Variants in GRB10 observed in about 807,000 individuals in gnomAD.
The protein encoded by GRB10 is growth factor receptor-bound protein 10.
In GRB10, 20 loss-of-function variants were observed where a neutral mutation model predicts 80.9. The observed-to-expected ratio is 0.25, with a 90% CI of 0.17 to 0.36. The LOEUF is 0.36. Among genes scored for constraint, GRB10 ranks in the 10% least tolerant of loss-of-function variants. The probability of loss-of-function intolerance (pLI) is 1.00; values close to 1 mark genes in which losing one functional copy is unlikely to be tolerated. For missense variants in GRB10, 548 were observed against 747.7 expected (o/e 0.73, Z 3.12); for synonymous variants, 291 against 291.5 (o/e 1.00, Z 0.02).
At chr7:50,764,053 G>A (rs1006593938) in intron 2 of GRB10, among the ~76,000 whole-genome samples, 4 of 152,234 alleles carry the variant, frequency 2.6e-5, no homozygotes, top group Non-Finnish European at 5.9e-5. Flanking sequence ...CCTCCTCCAG[G>A]TTCTCAGACT....
intron 2 of GRB10, among the ~76,000 whole-genome samples, chr7:50,757,693 T>C (rs1192958592): frequency 6.6e-6 from 1 of 152,198 alleles, no homozygotes; most frequent in Non-Finnish European, 1.5e-5. Context: ...AAAGGGTGCA[T>C]GGGCAAACAA....
At chr7:50,641,898 C>T (rs370281546) in intron 7 of GRB10, among the ~76,000 whole-genome samples, 4 of 152,184 alleles carry the variant, frequency 2.6e-5, no homozygotes, top group Admixed American at 6.5e-5. Context: ...GCCGAGGAGG[C>T]AAGGGCGTGG....
chr7:50,770,955 G>T (rs1188066488), intron 2 of GRB10, among the ~76,000 whole-genome samples: 1 of 152,064 alleles, frequency 6.6e-6, no homozygotes, highest in East Asian at 1.9e-4. Flanking sequence ...ACAGTGTCAA[G>T]GCGCCCTAGG....
intron 2 of GRB10, among the ~76,000 whole-genome samples, chr7:50,778,633 A>G: frequency 6.6e-6 from 1 of 152,134 alleles, no homozygotes; most frequent in East Asian, 1.9e-4. Context: ...GGACAACCCA[A>G]CCCTACCTCC....
intron 7 of GRB10, among the ~76,000 whole-genome samples, chr7:50,637,041 A>G (rs1056665787): frequency 5.3e-5 from 8 of 152,112 alleles, no homozygotes; most frequent in Admixed American, 2.0e-4. Flanking sequence ...CAGTGGCGTG[A>G]TCTCAGCTCA....
intron 2 of GRB10, among the ~76,000 whole-genome samples, chr7:50,758,263 A>T (rs1225769967): frequency 3.3e-5 from 5 of 152,142 alleles, no homozygotes; most frequent in Non-Finnish European, 7.3e-5. Context: ...CACACTTCAC[A>T]CGCTGACCCG....
At chr7:50,757,856 C>T (rs2075284795) in intron 2 of GRB10, among the ~76,000 whole-genome samples, 1 of 152,128 alleles carries the variant, frequency 6.6e-6, no homozygotes, top group African/African-American at 2.4e-5. Flanking sequence ...ATTCAAATGC[C>T]CAGGACCACT....
chr7:50,667,661 G>A (rs1332763590), intron 7 of GRB10, among the ~76,000 whole-genome samples: 2 of 149,224 alleles, frequency 1.3e-5, no homozygotes, highest in African/African-American at 2.5e-5. Flanking sequence ...CAAGCAAGTC[G>A]GGAAAAAAAA....
At chr7:50,720,610 T>A (rs538714879) in intron 4 of GRB10, among the ~76,000 whole-genome samples, 2 of 152,122 alleles carry the variant, frequency 1.3e-5, no homozygotes, top group Non-Finnish European at 2.9e-5. Flanking sequence ...TCATCCCAAC[T>A]AAACATGCAT....
At chr7:50,642,370 C>T (rs1051713981) in intron 7 of GRB10, among the ~76,000 whole-genome samples, 48 of 151,864 alleles carry the variant, frequency 3.2e-4, no homozygotes, top group Admixed American at 1.0e-3. Flanking sequence ...ACATATATGC[C>T]GTATACACCT....
intron 4 of GRB10, among the ~76,000 whole-genome samples, chr7:50,717,123 CAA>C (rs1193906362): frequency 6.6e-6 from 1 of 152,208 alleles, no homozygotes; most frequent in African/African-American, 2.4e-5. Flanking sequence ...ATGAGGTATA[CAA>C]AGTCCTGTCA....
chr7:50,603,860 G>T, intron 17 of GRB10, 138 bp downstream of exon 17: 1 of 821,134 alleles, frequency 1.2e-6, no homozygotes, highest in Non-Finnish European at 2.2e-6. Context: ...TATACCTCTA[G>T]CCTACCTTTT....
chr7:50,744,593 C>A (rs1458159841), intron 3 of GRB10, among the ~76,000 whole-genome samples: 1 of 152,148 alleles, frequency 6.6e-6, no homozygotes, highest in Non-Finnish European at 1.5e-5. Flanking sequence ...AAAGTAAGCT[C>A]TTTGGGAGCA....
chr7:50,757,223 T>G (rs1395059850), intron 2 of GRB10, among the ~76,000 whole-genome samples: 4 of 152,208 alleles, frequency 2.6e-5, no homozygotes, highest in Non-Finnish European at 4.4e-5. Context: ...GGCAAATTAT[T>G]GAGTCATTGG....
At chr7:50,737,796 T>C (rs1402496837) in intron 3 of GRB10, among the ~76,000 whole-genome samples, 1 of 152,130 alleles carries the variant, frequency 6.6e-6, no homozygotes, top group Admixed American at 6.6e-5. Flanking sequence ...TGCAGTGAGC[T>C]GAGATCACGC....
chr7:50,719,242 T>G (rs554106965), intron 4 of GRB10, among the ~76,000 whole-genome samples: 1 of 152,108 alleles, frequency 6.6e-6, no homozygotes, highest in East Asian at 1.9e-4. Flanking sequence ...GGTCCAAAAG[T>G]GAAGACTGCA....
rs2078410041 is a variant in GRB10 at position 50,782,513 on chromosome 7, G to A, written c.-416C>T. On this transcript the variant is annotated 5_prime_UTR_variant, in exon 1 of 19. Transcript: ENST00000401949. The surrounding 1 kb of genome is among the most constrained non-coding windows in gnomAD (Gnocchi z 6.6). ...GGCTTCGGGGCCCGGCCCCCGCAGT[G>A]CCCGGCGCGTGGACAGCGCTCCGCA... 1 of 150,258 alleles carries A rather than the reference G, an allele frequency of 6.7e-6. No homozygotes were observed. The highest frequency in any genetic ancestry group is 2.1e-4 in the South Asian group (1 of 4,836). The allele number at this position is 150,258 out of a possible 1,614,324, so 9.3% of individuals were successfully genotyped here.
intron 3 of GRB10, among the ~76,000 whole-genome samples, chr7:50,742,203 A>G (rs1345140850): frequency 2.6e-5 from 4 of 152,198 alleles, no homozygotes; most frequent in Non-Finnish European, 4.4e-5. Flanking sequence ...GCACCTGTTA[A>G]TAACAGGCAC....
At chr7:50,631,434 C>G (rs2053985789) in intron 7 of GRB10, among the ~76,000 whole-genome samples, 1 of 152,192 alleles carries the variant, frequency 6.6e-6, no homozygotes, top group Non-Finnish European at 1.5e-5. Context: ...CATCTGAGGG[C>G]TTCTGGGCCA....
Sources: allele counts gnomAD v4.1 joint callset (sites outside exome capture counted in the v4.1 genomes callset), GRCh38; gene constraint gnomAD v4.1.1; non-coding constraint Gnocchi (gnomAD v3.1); transcripts MANE v1.5; gene names NCBI Gene and HGNC (gene_info 2026-07-23, HGNC 2026-07-21).